The following NIPSNAP1 variants were observed in gnomAD, a reference collection of about 807,000 sequenced individuals.
NIPSNAP1 encodes nipsnap homolog 1.
Under a neutral mutation model 49.2 loss-of-function variants are expected in NIPSNAP1, and 25 were observed. The ratio of observed to expected loss-of-function variants is 0.51; its 90% confidence interval spans 0.37 to 0.71. The LOEUF (loss-of-function observed/expected upper bound fraction) is 0.71. Ranked by LOEUF, NIPSNAP1 falls within the 30% of genes least tolerant of loss-of-function variation. The pLI is 0.00. For synonymous variants in NIPSNAP1, 143 were observed against 140.7 expected (o/e 1.02, Z -0.12); for missense variants, 294 against 361.0 (o/e 0.81, Z 1.50).
At position 29,555,975 on chromosome 22, in the gene NIPSNAP1, G is replaced by A; in HGVS notation, c.815C>T (p.Ser272Phe). Residue 272 changes from serine (S) to phenylalanine (F), a missense_variant, in exon 10 of 10, where the codon TCT (serine) becomes TTT (phenylalanine). Physicochemically the swap from Ser to Phe is radical, Grantham distance 155. Around this residue, in one of 4 missense-constraint regions of NIPSNAP1, gnomAD observed 146 missense variants for 219.9 expected, o/e 0.66. Transcript: ENST00000216121. The stretch of plus-strand genomic sequence containing the variant: ...GATCTTCAAGGGGATCATGATCCTA[G>A]ACTCCATGTGTCGCACCAGGGGGAC... Reference protein sequence around the residue: ...YTVPLVRHMESRIMIPLKISP... With the variant: ...YTVPLVRHMEFRIMIPLKISP... The A allele has an allele frequency of 1.3e-6, 2 of 1,551,756 alleles. No individual in the cohort carries two copies. The highest frequency in any genetic ancestry group is 1.7e-6 in the Non-Finnish European group (2 of 1,147,000).
intron 4 of NIPSNAP1, among the ~76,000 whole-genome samples, chr22:29,566,520 A>G (rs1177453486): frequency 1.3e-5 from 2 of 152,236 alleles, no homozygotes; most frequent in African/African-American, 4.8e-5. Context: ...ACTAATATAA[A>G]TTTCAATAGC....
In NIPSNAP1 at chr22:29,579,176, G is replaced by T. The variant is rs973817224; in HGVS notation, c.98+1809C>A. Among the ~76,000 whole-genome samples the T allele has an allele frequency of 8.7e-5, 13 of 150,094 alleles. 2 individuals are homozygous for T. Among genetic ancestry groups the T allele is most frequent in the African/African-American group, 3.2e-4 (13 of 40,042 alleles). ...CAACCTCTGTCTCCCGGGTTCAATT[G>T]ATTCTCCTGCCTCAGCTTCCTAGTA... On this transcript the variant is annotated intron_variant, in intron 1 of 9. Transcript: ENST00000216121.
At position 29,555,974 on chromosome 22, in the gene NIPSNAP1, A is replaced by G. The variant is rs182015845; in HGVS notation, c.816T>C (p.Ser272=). The part of the protein sequence containing the change: ...YTVPLVRHME[S]RIMIPLKISP... Reference sequence around the variant, plus strand: ...AGATCTTCAAGGGGATCATGATCCTAGACTCCATGTGTCGCACCAGGGGGA... The same window carrying G: ...AGATCTTCAAGGGGATCATGATCCTGGACTCCATGTGTCGCACCAGGGGGA... The change falls in exon 10 of 10, where the codon TCT becomes TCC. Residue 272 remains serine (S), a synonymous_variant. Coordinates refer to ENST00000216121, the MANE Select transcript of NIPSNAP1 (RefSeq NM_003634.4). The G allele has an allele frequency of 9.0e-6, 14 of 1,551,842 alleles. No individual in the cohort carries two copies. The East Asian group carries it at 3.4e-4, about 38-fold the overall frequency.
chr22:29,561,998 C>A, intron 4 of NIPSNAP1, 136 bp from the exon 5 acceptor site: 1 of 718,648 alleles, frequency 1.4e-6, no homozygotes, highest in South Asian at 1.6e-5. Flanking sequence ...CCCTGAGTTC[C>A]CTCTGCCTTG....
chr22:29,565,019 C>T (rs925057374), intron 4 of NIPSNAP1, among the ~76,000 whole-genome samples: 1 of 151,790 alleles, frequency 6.6e-6, no homozygotes, highest in African/African-American at 2.4e-5. Context: ...AAGACCTCAT[C>T]TCTACAAAAC....
chr22:29,568,739 C>G (rs2064385759), intron 4 of NIPSNAP1, among the ~76,000 whole-genome samples: 1 of 152,078 alleles, frequency 6.6e-6, no homozygotes, highest in South Asian at 2.1e-4. Flanking sequence ...TTGCAGTGAG[C>G]CGAGATTGCA....
chr22:29,580,617 T>A (rs2064490618), intron 1 of NIPSNAP1, among the ~76,000 whole-genome samples: 1 of 152,100 alleles, frequency 6.6e-6, no homozygotes, highest in Admixed American at 6.6e-5. Context: ...CCCACAGAAC[T>A]TCCCGACGGA....
In NIPSNAP1 at chr22:29,555,967, T is replaced by C; in HGVS notation, c.823A>G (p.Met275Val). Residue 275 changes from methionine to valine, a missense_variant, in exon 10 of 10, where the codon ATG (methionine) becomes GTG (valine). Met to Val is a conservative substitution (Grantham distance 21, BLOSUM62 1). Transcript: ENST00000216121. Reference protein sequence around the residue: ...PLVRHMESRIMIPLKISPLQ With the variant: ...PLVRHMESRIVIPLKISPLQ ...AGAGGCGAGATCTTCAAGGGGATCA[T>C]GATCCTAGACTCCATGTGTCGCACC... The C allele has an allele frequency of 2.6e-6, 4 of 1,551,826 alleles. No homozygotes were observed. The highest frequency in any genetic ancestry group is 3.5e-6 in the Non-Finnish European group (4 of 1,147,012).
intron 6 of NIPSNAP1, 89 bp downstream of exon 6, chr22:29,561,416 GA>G: frequency 6.3e-7 from 1 of 1,582,728 alleles, no homozygotes; most frequent in Admixed American, 1.7e-5. Flanking sequence ...GGAGAAGCCA[GA>G]AGCCCCAGTC....
intron 4 of NIPSNAP1, among the ~76,000 whole-genome samples, chr22:29,564,025 C>G (rs1173008802): frequency 6.6e-6 from 1 of 152,198 alleles, no homozygotes; most frequent in African/African-American, 2.4e-5. Context: ...CCCCAGGAAA[C>G]TAATCTAATT....
intron 4 of NIPSNAP1, among the ~76,000 whole-genome samples, chr22:29,563,798 G>A (rs972635249): frequency 6.6e-6 from 1 of 152,106 alleles, no homozygotes; most frequent in African/African-American, 2.4e-5. Flanking sequence ...ATGTGACGAG[G>A]GAGGCAGAGA....
chr22:29,576,648 G>T (rs1349372242), intron 1 of NIPSNAP1, among the ~76,000 whole-genome samples: 2 of 151,366 alleles, frequency 1.3e-5, no homozygotes, highest in Non-Finnish European at 2.9e-5. Context: ...ACCTTAGGCT[G>T]GGCGTGGTGG....
intron 4 of NIPSNAP1, among the ~76,000 whole-genome samples, chr22:29,562,918 T>C (rs2064345746): frequency 6.7e-6 from 1 of 149,362 alleles, no homozygotes; most frequent in African/African-American, 2.5e-5. Flanking sequence ...GCTAACACAG[T>C]GAAACCCCGT....
chr22:29,561,087 GA>G, intron 7 of NIPSNAP1, 83 bp downstream of exon 7: 3 of 1,317,174 alleles, frequency 2.3e-6, no homozygotes, highest in Non-Finnish European at 3.3e-6. Context: ...TATGGCCCTG[GA>G]AAAGGTGGCC....
At chr22:29,562,812 A>C (rs1172375451) in intron 4 of NIPSNAP1, among the ~76,000 whole-genome samples, 2 of 152,024 alleles carry the variant, frequency 1.3e-5, no homozygotes, top group Non-Finnish European at 2.9e-5. Context: ...ATTTATAAAA[A>C]TCCTGGGCCG....
chr22:29,556,045 C>G, intron 9 of NIPSNAP1, 46 bp from the exon 10 acceptor site: 1 of 1,515,702 alleles, frequency 6.6e-7, no homozygotes, highest in South Asian at 1.2e-5. Context: ...TCAAGCAAGC[C>G]AACAACCTCC....
At chr22:29,561,361 G>C in intron 6 of NIPSNAP1, 145 bp downstream of exon 6, 1 of 1,413,834 alleles carries the variant, frequency 7.1e-7, no homozygotes, top group Non-Finnish European at 1.0e-6. Context: ...TGGTGTGCAT[G>C]TTTGCACACA....
intron 8 of NIPSNAP1, among the ~76,000 whole-genome samples, chr22:29,559,813 C>G (rs1437668712): frequency 6.6e-6 from 1 of 152,188 alleles, no homozygotes; most frequent in Non-Finnish European, 1.5e-5. Flanking sequence ...AGAGTAATGG[C>G]TTCCTGAAGC....
At chr22:29,578,032 G>T (rs915739333) in intron 1 of NIPSNAP1, among the ~76,000 whole-genome samples, 6 of 150,760 alleles carry the variant, frequency 4.0e-5, no homozygotes, top group Non-Finnish European at 7.3e-5. Flanking sequence ...CAGAGTAGCT[G>T]GGATTACAGG....
Sources: allele counts gnomAD v4.1 joint callset (sites outside exome capture counted in the v4.1 genomes callset), GRCh38; gene constraint gnomAD v4.1.1; regional missense constraint gnomAD v4.1.1; transcripts MANE v1.5; gene names NCBI Gene and HGNC (gene_info 2026-07-23, HGNC 2026-07-21).